Variants in LARGE1 observed in about 807,000 individuals in gnomAD.
LARGE1 encodes the protein LARGE xylosyl- and glucuronyltransferase 1.
In LARGE1, 43 loss-of-function variants were observed where a neutral mutation model predicts 87.6. The ratio of observed to expected loss-of-function variants is 0.49; its 90% CI spans 0.38 to 0.63. The LOEUF (loss-of-function observed/expected upper bound fraction) is 0.63. Among genes scored for constraint, LARGE1 ranks in the 30% least tolerant of loss-of-function variants. The pLI is 0.00. For missense variants in LARGE1, 802 were observed against 1,000.2 expected (o/e 0.80, Z 2.67); for synonymous variants, 434 against 394.6 (o/e 1.10, Z -1.18).
At chr22:33,101,189 T>C in the LARGE1 span, among the ~76,000 whole-genome samples, 16 of 152,310 alleles carry the variant, frequency 1.1e-4, no homozygotes, top group East Asian at 3.1e-3. Context: ...ATTTTGCCAT[T>C]GGAGGTAGAA....
intron 11 of LARGE1, 124 bp downstream of exon 11, chr22:33,315,961 C>T (rs751445076): frequency 8.6e-7 from 1 of 1,164,186 alleles, no homozygotes; most frequent in Non-Finnish European, 1.2e-6. Context: ...TGTGCCATCT[C>T]TTCCTGCTCC....
chr22:33,109,443 A>G, the LARGE1 span, among the ~76,000 whole-genome samples: 1 of 152,142 alleles, frequency 6.6e-6, no homozygotes, highest in Non-Finnish European at 1.5e-5. Flanking sequence ...TTCCCGTCTC[A>G]GCCTCCTGAC....
intron 6 of LARGE1, among the ~76,000 whole-genome samples, chr22:33,533,942 C>T (rs2076968266): frequency 6.6e-6 from 1 of 151,480 alleles, no homozygotes; most frequent in African/African-American, 2.4e-5. Context: ...GTTTCCTATC[C>T]ATTTCTTTAT....
intron 1 of LARGE1, among the ~76,000 whole-genome samples, chr22:33,799,309 C>G (rs2086083603): frequency 6.6e-6 from 1 of 152,180 alleles, no homozygotes. Context: ...AGCAGCATTT[C>G]TGGAGCCGGG....
intron 1 of LARGE1, among the ~76,000 whole-genome samples, chr22:33,779,196 G>A (rs1236680884): frequency 6.6e-6 from 1 of 152,092 alleles, no homozygotes; most frequent in East Asian, 1.9e-4. Context: ...TAAATTTCTA[G>A]AATTTAGCAC....
Position 33,432,252 on chromosome 22 carries a change from C to G in LARGE1, c.801G>C (p.Leu267=), listed in dbSNP as rs1336973667. ...AGTCACTCTGGTTCTCCACCAAGCCCAGGACTTGCTGACCTGTGAGGTACA... is the reference window on the plus strand; with the variant it reads ...AGTCACTCTGGTTCTCCACCAAGCCGAGGACTTGCTGACCTGTGAGGTACA... The part of the protein sequence containing the change: ...VFHKFKGQQV[L]GLVENQSDWY... The change falls in exon 7 of 15, where the codon CTG becomes CTC. Residue 267 remains leucine (L), a synonymous_variant. Coordinates refer to ENST00000397394, the MANE Select transcript of LARGE1 (RefSeq NM_133642.5). 6 of 1,613,882 alleles carry G rather than the reference C, an allele frequency of 3.7e-6. No homozygotes were observed. Among genetic ancestry groups the G allele is most frequent in the Non-Finnish European group, 5.1e-6 (6 of 1,179,922 alleles).
intron 6 of LARGE1, among the ~76,000 whole-genome samples, chr22:33,552,339 C>T (rs948308302): frequency 6.6e-6 from 1 of 152,174 alleles, no homozygotes; most frequent in Non-Finnish European, 1.5e-5. Context: ...TCCCCTCTCT[C>T]CTTGCCCCCA....
At chr22:33,492,614 T>C (rs1228139295) in intron 6 of LARGE1, among the ~76,000 whole-genome samples, 2 of 152,156 alleles carry the variant, frequency 1.3e-5, no homozygotes, top group East Asian at 1.9e-4. Flanking sequence ...TCCGGGAGCT[T>C]TGCAAATTCT....
At chr22:33,424,231 G>A (rs969328126) in intron 7 of LARGE1, among the ~76,000 whole-genome samples, 2 of 152,208 alleles carry the variant, frequency 1.3e-5, no homozygotes, top group African/African-American at 2.4e-5. Context: ...AGAACAGTGA[G>A]CGGAAGTTTA....
At chr22:33,753,180 A>C (rs1411551341) in intron 2 of LARGE1, among the ~76,000 whole-genome samples, 1 of 152,146 alleles carries the variant, frequency 6.6e-6, no homozygotes, top group Non-Finnish European at 1.5e-5. Context: ...AGATCACACC[A>C]CTGCACTCTA....
At chr22:33,547,054 A>ATT (rs11454236) in intron 6 of LARGE1, among the ~76,000 whole-genome samples, 24 of 151,430 alleles carry the variant, frequency 1.6e-4, no homozygotes, top group Non-Finnish European at 1.8e-4. Context: ...CTTTTTAAGC[A>ATT]TTTTTTTTTC....
intron 3 of LARGE1, among the ~76,000 whole-genome samples, chr22:33,639,210 C>G (rs1474193822): frequency 6.6e-6 from 1 of 152,180 alleles, no homozygotes; most frequent in African/African-American, 2.4e-5. Flanking sequence ...CTAGCCCATG[C>G]AGAGACCACA....
intron 6 of LARGE1, among the ~76,000 whole-genome samples, chr22:33,535,351 C>T (rs997354965): frequency 6.6e-6 from 1 of 152,062 alleles, no homozygotes; most frequent in African/African-American, 2.4e-5. Context: ...TGAGATCAGC[C>T]CGGCCAACAT....
At chr22:33,752,217 G>C (rs1221029329) in intron 2 of LARGE1, among the ~76,000 whole-genome samples, 1 of 152,140 alleles carries the variant, frequency 6.6e-6, no homozygotes, top group Non-Finnish European at 1.5e-5. Flanking sequence ...TGTATTGCTA[G>C]GGGTAGAGCT....
chr22:33,685,538 T>C (rs962334340), intron 2 of LARGE1, among the ~76,000 whole-genome samples: 1 of 152,222 alleles, frequency 6.6e-6, no homozygotes, highest in East Asian at 1.9e-4. Flanking sequence ...AAAATGCAGA[T>C]TCCTAGGTTA....
chr22:33,895,140 G>A (rs1045785141), intron 1 of LARGE1, among the ~76,000 whole-genome samples: 2 of 152,126 alleles, frequency 1.3e-5, no homozygotes, highest in Admixed American at 1.3e-4. Flanking sequence ...TCGGTCTCTG[G>A]ATGGGACACA....
At chr22:33,505,909 A>T (rs2070742464) in intron 6 of LARGE1, among the ~76,000 whole-genome samples, 1 of 152,180 alleles carries the variant, frequency 6.6e-6, no homozygotes. Flanking sequence ...GTTCTGTTCT[A>T]TTAGACAAAG....
intron 1 of LARGE1, among the ~76,000 whole-genome samples, chr22:33,849,839 G>A (rs1457593689): frequency 1.3e-5 from 2 of 152,028 alleles, no homozygotes; most frequent in Admixed American, 6.5e-5. Context: ...GACCTCAGGC[G>A]ATCCTCCCGC....
intron 2 of LARGE1, among the ~76,000 whole-genome samples, chr22:33,696,506 G>C (rs998120735): frequency 4.6e-5 from 7 of 151,788 alleles, no homozygotes; most frequent in African/African-American, 1.7e-4. Flanking sequence ...CAATCAATCC[G>C]CCCGCCTTGG....
Sources: allele counts gnomAD v4.1 joint callset (sites outside exome capture counted in the v4.1 genomes callset), GRCh38; gene constraint gnomAD v4.1.1; transcripts MANE v1.5; gene names NCBI Gene and HGNC (gene_info 2026-07-23, HGNC 2026-07-21).